BCKDHB: variants seen among roughly 807,000 people sequenced by gnomAD.
The protein encoded by BCKDHB is branched chain keto acid dehydrogenase E1 subunit beta.
A neutral mutation model predicts 48.5 loss-of-function variants in BCKDHB; 41 were observed. That is an observed-to-expected ratio of 0.85 (90% CI 0.66 to 1.10). The LOEUF (loss-of-function observed/expected upper bound fraction) is 1.10, where lower values mean the gene tolerates loss of function less well. Among genes scored for constraint, BCKDHB ranks in the 50% least tolerant of loss-of-function variants. The pLI, the probability that BCKDHB is intolerant of heterozygous loss-of-function variation, is 0.00. For synonymous variants in BCKDHB, 201 were observed against 174.8 expected (o/e 1.15, Z -1.18); for missense variants, 496 against 494.2 (o/e 1.00, Z -0.03).
At chr6:80,163,981 G>A (rs773891414) in intron 3 of BCKDHB, among the ~76,000 whole-genome samples, 2 of 151,986 alleles carry the variant, frequency 1.3e-5, no homozygotes, top group African/African-American at 4.8e-5. Flanking sequence ...TCTCTTACTG[G>A]GATTATTGCA....
the BCKDHB span, among the ~76,000 whole-genome samples, chr6:80,385,520 G>A: frequency 6.6e-6 from 1 of 152,114 alleles, no homozygotes; most frequent in Non-Finnish European, 1.5e-5. Context: ...CCCAGTAGTG[G>A]CAACATCCCC....
chr6:80,147,428 A>G (rs1222655668), intron 3 of BCKDHB, among the ~76,000 whole-genome samples: 2 of 152,228 alleles, frequency 1.3e-5, no homozygotes, highest in African/African-American at 4.8e-5. Context: ...GTTTGTACAA[A>G]TTCAAGTTGC....
At chr6:80,139,184 T>C (rs1166272967) in intron 3 of BCKDHB, among the ~76,000 whole-genome samples, 1 of 152,184 alleles carries the variant, frequency 6.6e-6, no homozygotes, top group Non-Finnish European at 1.5e-5. Context: ...TTTGAGTTCA[T>C]TGTAGATTCT....
intron 2 of BCKDHB, 73 bp from the exon 3 acceptor site, chr6:80,129,088 T>C: frequency 8.8e-7 from 1 of 1,135,948 alleles, no homozygotes; most frequent in Admixed American, 1.9e-5. Flanking sequence ...AACATTTAAA[T>C]TACTTATTTC....
At chr6:80,434,370 G>A in the BCKDHB span, among the ~76,000 whole-genome samples, 2 of 151,134 alleles carry the variant, frequency 1.3e-5, no homozygotes, top group South Asian at 4.2e-4. Flanking sequence ...ACTCTACAAA[G>A]TAGAGTATTA....
chr6:80,168,958 C>T lies in BCKDHB; in HGVS notation c.561C>T (p.Gly187=). 2 of 1,614,176 alleles carry T rather than the reference C, an allele frequency of 1.2e-6. No individual in the cohort carries two copies. Among genetic ancestry groups the T allele is most frequent in the Admixed American group, 1.7e-5 (1 of 60,020 alleles). Residue 187 remains glycine (G), a synonymous_variant, in exon 5 of 10, where the codon GGC becomes GGT. Transcript: ENST00000320393. The part of the protein sequence containing the change: ...CGSLTIRSPW[G]CVGHGALYHS... ...GCCTCACTATCCGGTCCCCTTGGGG[C>T]TGTGTTGGTCATGGGGCTCTCTATC...
At chr6:80,286,619 T>G (rs970995727) in intron 9 of BCKDHB, among the ~76,000 whole-genome samples, 5 of 152,174 alleles carry the variant, frequency 3.3e-5, no homozygotes, top group Non-Finnish European at 5.9e-5. Context: ...AATTCCTTAT[T>G]ATACACATAT....
At chr6:80,211,038 T>C (rs1774910460) in intron 8 of BCKDHB, among the ~76,000 whole-genome samples, 1 of 152,170 alleles carries the variant, frequency 6.6e-6, no homozygotes, top group Non-Finnish European at 1.5e-5. Context: ...AAATAAGAAC[T>C]TGATTTTGGC....
the BCKDHB span, among the ~76,000 whole-genome samples, chr6:80,383,460 T>C: frequency 2.0e-5 from 3 of 152,126 alleles, no homozygotes; most frequent in South Asian, 2.1e-4. Context: ...ATATAAAATT[T>C]TAAGACTTTT....
chr6:80,175,311 A>T (rs1163336798), intron 6 of BCKDHB, among the ~76,000 whole-genome samples: 1 of 152,186 alleles, frequency 6.6e-6, no homozygotes, highest in Non-Finnish European at 1.5e-5. Context: ...TATGGCCATG[A>T]CCACACCTAA....
chr6:80,269,340 C>T (rs1039725253), intron 8 of BCKDHB, among the ~76,000 whole-genome samples: 3 of 152,052 alleles, frequency 2.0e-5, no homozygotes, highest in Non-Finnish European at 4.4e-5. Flanking sequence ...CTCTGTTGGA[C>T]GGAATGACTA....
At chr6:80,424,330 G>T in the BCKDHB span, among the ~76,000 whole-genome samples, 39 of 152,202 alleles carry the variant, frequency 2.6e-4, 1 homozygote, top group East Asian at 6.8e-3. Flanking sequence ...TAAGTTAAAG[G>T]TCTCTAAAGT....
At chr6:80,192,183 A>G (rs980501958) in intron 6 of BCKDHB, among the ~76,000 whole-genome samples, 2 of 152,174 alleles carry the variant, frequency 1.3e-5, no homozygotes, top group African/African-American at 4.8e-5. Flanking sequence ...GTATCAGTTT[A>G]ATTAGCAGTT....
chr6:80,438,918 A>G, the BCKDHB span, among the ~76,000 whole-genome samples: 4 of 152,190 alleles, frequency 2.6e-5, no homozygotes, highest in African/African-American at 4.8e-5. Flanking sequence ...GGGACAGATC[A>G]GCTATATGCA....
intron 8 of BCKDHB, among the ~76,000 whole-genome samples, chr6:80,205,975 A>G (rs754318131): frequency 1.3e-5 from 2 of 151,958 alleles, no homozygotes; most frequent in Non-Finnish European, 1.5e-5. Context: ...GAATCCAGGT[A>G]TATAGAACTC....
chr6:80,440,780 G>T, the BCKDHB span: 1 of 152,162 alleles, frequency 6.6e-6, no homozygotes, highest in Non-Finnish European at 1.5e-5. Context: ...CCTGCCGAAG[G>T]ACCTGGGCTT....
chr6:80,192,826 T>C (rs1306875225), intron 6 of BCKDHB, among the ~76,000 whole-genome samples: 1 of 151,556 alleles, frequency 6.6e-6, no homozygotes, highest in Non-Finnish European at 1.5e-5. Flanking sequence ...TGCCAACTTT[T>C]TTTTTTTTTT....
chr6:80,444,783 G>A, the BCKDHB span, among the ~76,000 whole-genome samples: 15 of 152,128 alleles, frequency 9.9e-5, no homozygotes, highest in East Asian at 3.9e-4. Context: ...AAATAATATC[G>A]TCAAATTTTG....
At chr6:80,180,152 T>C (rs890872241) in intron 6 of BCKDHB, among the ~76,000 whole-genome samples, 2 of 152,250 alleles carry the variant, frequency 1.3e-5, no homozygotes, top group Non-Finnish European at 2.9e-5. Context: ...AAGTCATATA[T>C]TCTTTATGCA....
Sources: gnomAD v4.1 joint callset for allele counts (sites outside exome capture counted in the v4.1 genomes callset) on GRCh38, gnomAD v4.1.1 for gene constraint, MANE v1.5 for transcripts, NCBI Gene and HGNC (gene_info 2026-07-23, HGNC 2026-07-21) for gene names.